The following HCRTR2 variants were observed in gnomAD, a reference collection of about 807,000 sequenced individuals.
The protein encoded by HCRTR2 is hypocretin receptor 2.
A neutral mutation model predicts 49.0 loss-of-function variants in HCRTR2; 22 were observed. That is an observed-to-expected ratio of 0.45 (90% confidence interval 0.32 to 0.64). The LOEUF (loss-of-function observed/expected upper bound fraction) is 0.64, where lower values mean the gene tolerates loss of function less well. Ranked by LOEUF, HCRTR2 falls within the 30% of genes least tolerant of loss-of-function variation. HCRTR2 has a pLI of 0.04. For missense variants in HCRTR2, 491 were observed against 559.4 expected, an observed-to-expected ratio of 0.88 and a Z score of 1.23; for synonymous variants, 236 against 205.3, an observed-to-expected ratio of 1.15 and a Z score of -1.28.
chr6:55,278,797 C>T (rs1767131701), intron 5 of HCRTR2, among the ~76,000 whole-genome samples: 1 of 150,928 alleles, frequency 6.6e-6, no homozygotes, highest in Non-Finnish European at 1.5e-5. Flanking sequence ...TTATGGCCAC[C>T]TGCTAGATAC....
intron 1 of HCRTR2, among the ~76,000 whole-genome samples, chr6:55,124,316 C>T (rs992709746): frequency 3.9e-5 from 6 of 152,108 alleles, no homozygotes; most frequent in Non-Finnish European, 7.3e-5. Context: ...TATGTTATGT[C>T]TTCATTCTCA....
intron 1 of HCRTR2, among the ~76,000 whole-genome samples, chr6:55,222,315 A>T (rs1375189015): frequency 1.3e-5 from 2 of 151,974 alleles, no homozygotes. Flanking sequence ...AAAAAAAAAA[A>T]AAGTGTTGAA....
At chr6:55,193,955 G>A (rs1765365206) in intron 1 of HCRTR2, among the ~76,000 whole-genome samples, 1 of 152,070 alleles carries the variant, frequency 6.6e-6, no homozygotes, top group Admixed American at 6.5e-5. Flanking sequence ...CAAGTAGGTT[G>A]TCTGTCTCTT....
chr6:55,184,612 C>A (rs1372060997), intron 1 of HCRTR2, among the ~76,000 whole-genome samples: 2 of 152,174 alleles, frequency 1.3e-5, no homozygotes, highest in Non-Finnish European at 2.9e-5. Flanking sequence ...TACATTGACC[C>A]CAAGTGAGCC....
chr6:55,282,371 T>A lies in HCRTR2; in HGVS notation c.1252T>A (p.Ser418Thr). Residue 418 changes from serine (S) to threonine (T), a missense_variant, in exon 7 of 7, where the codon TCA (serine) becomes ACA (threonine). Coordinates refer to ENST00000370862, the MANE Select transcript of HCRTR2 (RefSeq NM_001384272.1). ...TTQISNFDNISKLSEQVVLTS... is the reference protein window; with the variant it reads ...TTQISNFDNITKLSEQVVLTS... ...TCAAATCAGCAACTTTGATAACATA[T>A]CAAAACTTTCTGAGCAAGTTGTGCT... The A allele has an allele frequency of 1.2e-6, 2 of 1,613,532 alleles. No individual in the cohort carries two copies. Among genetic ancestry groups the A allele is most frequent in the Non-Finnish European group, 1.7e-6 (2 of 1,179,678 alleles).
In HCRTR2 at chr6:55,174,550, A is replaced by G. The variant is rs1249032307; in HGVS notation, c.-38A>G. ...AGTGCTCATGGGGCAGGCGGAGAGG[A>G]GCTTGCAGCATTGAGCGGAACCGGA... On this transcript the variant is annotated 5_prime_UTR_variant, in exon 1 of 7. Coordinates refer to ENST00000370862, the MANE Select transcript of HCRTR2 (RefSeq NM_001384272.1). 1.3e-6 allele frequency: 2 copies of G among 1,530,608 alleles called. No individual in the cohort carries two copies. Among genetic ancestry groups the G allele is most frequent in the Non-Finnish European group, 1.8e-6 (2 of 1,104,132 alleles). 94.8% of individuals were successfully genotyped at this position (1,530,608 alleles called of 1,614,324 possible). A position where few individuals can be genotyped will look rare whatever the true frequency, so the allele number is the denominator to read the frequency against.
chr6:55,270,583 T>A (rs1475013029), intron 4 of HCRTR2, among the ~76,000 whole-genome samples: 3 of 152,096 alleles, frequency 2.0e-5, no homozygotes, highest in Non-Finnish European at 4.4e-5. Flanking sequence ...AGTGGAAAAG[T>A]CCCCTGCTAT....
chr6:55,239,627 T>G (rs1402280110), intron 1 of HCRTR2, among the ~76,000 whole-genome samples: 2 of 152,280 alleles, frequency 1.3e-5, no homozygotes, highest in East Asian at 3.9e-4. Context: ...TTGACAAAAG[T>G]GAGAGCTTTT....
rs1766490943 is a variant in HCRTR2, at chr6:55,248,644, G to A, written c.229G>A (p.Val77Met). The A allele has an allele frequency of 3.1e-6, 5 of 1,612,332 alleles. No individual in the cohort carries two copies. Among genetic ancestry groups the A allele is most frequent in the Middle Eastern group, 1.7e-4 (1 of 6,058 alleles). Reference protein sequence around the residue: ...VALIGNVLVCVAVWKNHHMRT... With the variant: ...VALIGNVLVCMAVWKNHHMRT... ...CCTTTTTCTTTTCAAATTAGTTTGT[G>A]TGGCAGTGTGGAAGAACCACCACAT... The change falls in exon 2 of 7, where the codon GTG becomes ATG. Residue 77 changes from valine to methionine, a missense_variant. By Grantham distance (21) the Val-to-Met change is conservative. Coordinates refer to ENST00000370862, the MANE Select transcript of HCRTR2 (RefSeq NM_001384272.1).
At chr6:55,163,384 G>A (rs1343215934) in intron 1 of HCRTR2, among the ~76,000 whole-genome samples, 4 of 152,182 alleles carry the variant, frequency 2.6e-5, no homozygotes, top group Non-Finnish European at 4.4e-5. Context: ...TATGCTACAA[G>A]GCTACAGTAA....
intron 1 of HCRTR2, among the ~76,000 whole-genome samples, chr6:55,239,502 TTG>T (rs1432648681): frequency 6.6e-6 from 1 of 152,184 alleles, no homozygotes; most frequent in Non-Finnish European, 1.5e-5. Flanking sequence ...CCCTGCACAT[TTG>T]TGTGTGTGAA....
At chr6:55,152,096 A>G (rs1561988279) in intron 1 of HCRTR2, among the ~76,000 whole-genome samples, 1 of 152,004 alleles carries the variant, frequency 6.6e-6, no homozygotes, top group Non-Finnish European at 1.5e-5. Flanking sequence ...CTTAATTCTT[A>G]GGGGTATGCC....
intron 1 of HCRTR2, among the ~76,000 whole-genome samples, chr6:55,217,549 C>A (rs560014377): frequency 6.6e-6 from 1 of 152,250 alleles, no homozygotes; most frequent in African/African-American, 2.4e-5. Flanking sequence ...AGAGTATGGA[C>A]ACAGTTCCAG....
At chr6:55,109,393 A>G (rs1170769036) in intron 1 of HCRTR2, among the ~76,000 whole-genome samples, 4 of 152,344 alleles carry the variant, frequency 2.6e-5, no homozygotes, top group East Asian at 1.9e-4. Flanking sequence ...TGCCAGAAAA[A>G]GAATTCAGAA....
chr6:55,183,832 A>G (rs2127274443), intron 1 of HCRTR2, among the ~76,000 whole-genome samples: 1 of 152,336 alleles, frequency 6.6e-6, no homozygotes, highest in East Asian at 1.9e-4. Context: ...CGAAGGAAAA[A>G]CAAGGAAAGA....
chr6:55,220,940 C>G (rs1379458850), intron 1 of HCRTR2, among the ~76,000 whole-genome samples: 1 of 152,088 alleles, frequency 6.6e-6, no homozygotes, highest in African/African-American at 2.4e-5. Context: ...ATTACAATCC[C>G]ACTTACAATA....
chr6:55,267,404 G>GTT (rs200158940), intron 4 of HCRTR2, among the ~76,000 whole-genome samples: 6,970 of 124,414 alleles, frequency 0.056, 479 homozygotes, highest in African/African-American at 0.15. Context: ...CTCTCTCTCT[G>GTT]TTTTTTTTTT....
intron 1 of HCRTR2, among the ~76,000 whole-genome samples, chr6:55,142,662 T>C (rs1561985155): frequency 6.6e-6 from 1 of 152,104 alleles, no homozygotes; most frequent in Non-Finnish European, 1.5e-5. Context: ...TTGTTGTTTT[T>C]GCAGCATCGT....
intron 1 of HCRTR2, among the ~76,000 whole-genome samples, chr6:55,222,150 TGATGGATATCTCTCCAAA>T (rs1242812238): frequency 1.3e-5 from 2 of 152,110 alleles, no homozygotes; most frequent in Non-Finnish European, 2.9e-5. Flanking sequence ...ACAATGGACC[TGATGGATATCTCTCCAAA>T]GAAGATGTAA....
Sources: gnomAD v4.1 joint callset for allele counts (sites outside exome capture counted in the v4.1 genomes callset) on GRCh38, gnomAD v4.1.1 for gene constraint, MANE v1.5 for transcripts, NCBI Gene and HGNC (gene_info 2026-07-23, HGNC 2026-07-21) for gene names.